The following INPP5F variants were observed in gnomAD, a reference collection of about 807,000 sequenced individuals.
The protein encoded by INPP5F is phosphatidylinositide 4-phosphatase SAC2.
INPP5F carries 97 observed loss-of-function variants against 137.2 expected under a neutral mutation model. That is an observed-to-expected ratio of 0.71 (90% CI 0.60 to 0.84). INPP5F has a LOEUF of 0.84. Ranked by LOEUF, INPP5F falls within the 40% of genes least tolerant of loss-of-function variation. The pLI, the probability that INPP5F is intolerant of heterozygous loss-of-function variation, is 0.00. For missense variants in INPP5F, 1,271 were observed against 1,371.9 expected (o/e 0.93, Z 1.16); for synonymous variants, 504 against 476.9 (o/e 1.06, Z -0.74).
intron 6 of INPP5F, among the ~76,000 whole-genome samples, chr10:119,795,226 C>T (rs1243065022): frequency 6.6e-6 from 1 of 151,176 alleles, no homozygotes; most frequent in Non-Finnish European, 1.5e-5. Context: ...CCCCTCACCT[C>T]CTGGACGGGG....
intron 1 of INPP5F, among the ~76,000 whole-genome samples, chr10:119,733,444 A>G (rs571129575): frequency 1.3e-5 from 2 of 152,202 alleles, no homozygotes; most frequent in Non-Finnish European, 2.9e-5. Context: ...ATGCATTGAC[A>G]TGTGTACTCA....
intron 9 of INPP5F, among the ~76,000 whole-genome samples, chr10:119,800,006 T>C (rs1850524550): frequency 6.6e-6 from 1 of 151,918 alleles, no homozygotes; most frequent in African/African-American, 2.4e-5. Flanking sequence ...AATTAGACTT[T>C]AAATTCGTTT....
intron 15 of INPP5F, chr10:119,818,913 T>A (rs1851418728): frequency 6.6e-6 from 1 of 152,292 alleles, no homozygotes. Flanking sequence ...ACTTTCAAGA[T>A]TTTTCTCCTT....
At chr10:119,795,254 G>T (rs1589723981) in intron 6 of INPP5F, among the ~76,000 whole-genome samples, 2 of 150,990 alleles carry the variant, frequency 1.3e-5, no homozygotes, top group East Asian at 2.0e-4. Flanking sequence ...CCGGGCGGGG[G>T]GCTGACCCCC....
intron 9 of INPP5F, among the ~76,000 whole-genome samples, chr10:119,803,484 T>A (rs1377417573): frequency 6.6e-6 from 1 of 152,238 alleles, no homozygotes; most frequent in Non-Finnish European, 1.5e-5. Flanking sequence ...CCTGTTCTGT[T>A]GAGTCACTTA....
chr10:119,803,651 G>T (rs1850669120), intron 9 of INPP5F, among the ~76,000 whole-genome samples: 1 of 152,158 alleles, frequency 6.6e-6, no homozygotes, highest in Admixed American at 6.5e-5. Context: ...TTCATTAACA[G>T]ATCCTGATTG....
intron 2 of INPP5F, among the ~76,000 whole-genome samples, chr10:119,771,884 T>TATACA (rs1849373704): frequency 3.4e-5 from 1 of 29,098 alleles, no homozygotes; most frequent in Non-Finnish European, 6.1e-5. Context: ...ATATATATAT[T>TATACA]TTTTTTTTTT....
rs143147195 is a variant in INPP5F at position 119,828,815 on chromosome 10, CCAGCCTGGGGGA to C, written c.*1039_*1050del. On this transcript the variant is annotated 3_prime_UTR_variant, in exon 20 of 20. Coordinates refer to ENST00000650623, the MANE Select transcript of INPP5F (RefSeq NM_014937.4). ...TGAGCTGTGATCGTGCCACTGACCT[CCAGCCTGGGGGA>C]CAGAGCAAGACCGTGTCTCAAAAAC... 2.2e-3 allele frequency: 341 copies of C among 152,458 alleles called. 2 individuals carry two copies. The highest frequency in any genetic ancestry group is 0.017 in the East Asian group (87 of 5,188). 9.4% of individuals were successfully genotyped at this position (152,458 alleles called of 1,614,324 possible).
chr10:119,743,186 G>C lies in INPP5F; in HGVS notation c.98-7890G>C, dbSNP rs145927224. On this transcript the variant is annotated intron_variant, in intron 1 of 19. Coordinates refer to ENST00000650623, the MANE Select transcript of INPP5F (RefSeq NM_014937.4). Reference sequence around the variant, plus strand: ...AATCCTTCCAACTTGATTCTGTGATGACTTTAGCTTTTGCCACTTTAAGTA... The same window carrying C: ...AATCCTTCCAACTTGATTCTGTGATCACTTTAGCTTTTGCCACTTTAAGTA... Among the ~76,000 whole-genome samples the C allele has an allele frequency of 4.4e-4, 67 of 152,280 alleles. No individual in the cohort carries two copies. In the East Asian group the frequency reaches 0.013, roughly 29 times the overall value.
chr10:119,729,744 AT>A (rs34359657), intron 1 of INPP5F, among the ~76,000 whole-genome samples: 5,631 of 128,226 alleles, frequency 0.044, 164 homozygotes, highest in South Asian at 0.21. Context: ...CACCTGGCTA[AT>A]TTTTTTTTTT....
intron 2 of INPP5F, among the ~76,000 whole-genome samples, chr10:119,772,683 G>A (rs531622945): frequency 4.0e-4 from 61 of 152,230 alleles, no homozygotes; most frequent in Non-Finnish European, 6.6e-4. Context: ...TAATTGGGGG[G>A]CATGGCTTGC....
chr10:119,775,710 G>C (rs866463797), intron 2 of INPP5F, among the ~76,000 whole-genome samples: 1 of 152,074 alleles, frequency 6.6e-6, no homozygotes, highest in South Asian at 2.1e-4. Context: ...GTCATTCATT[G>C]ATAACTGTTG....
intron 3 of INPP5F, among the ~76,000 whole-genome samples, chr10:119,784,407 T>G (rs187528985): frequency 1.0e-3 from 159 of 152,358 alleles, no homozygotes; most frequent in Non-Finnish European, 1.6e-3. Flanking sequence ...TTATTATTTT[T>G]TTAAGAACAT....
intron 14 of INPP5F, among the ~76,000 whole-genome samples, chr10:119,810,458 G>A (rs1392127162): frequency 6.6e-6 from 1 of 152,148 alleles, no homozygotes; most frequent in Non-Finnish European, 1.5e-5. Context: ...TTATTACTCA[G>A]GTAATAGAAA....
chr10:119,812,054 A>T, intron 15 of INPP5F, 99 bp downstream of exon 15: 4 of 917,890 alleles, frequency 4.4e-6, no homozygotes, highest in Non-Finnish European at 7.0e-6. Flanking sequence ...GTGGGCATGG[A>T]TGCATGGCGC....
At chr10:119,783,711 C>CT (rs1353738529) in intron 3 of INPP5F, among the ~76,000 whole-genome samples, 1 of 152,052 alleles carries the variant, frequency 6.6e-6, no homozygotes, top group Non-Finnish European at 1.5e-5. Flanking sequence ...CATACTTTCC[C>CT]TTTTTTCTCT....
At chr10:119,818,323 A>G (rs1193666875) in intron 15 of INPP5F, among the ~76,000 whole-genome samples, 2 of 152,222 alleles carry the variant, frequency 1.3e-5, no homozygotes, top group Admixed American at 6.5e-5. Flanking sequence ...GGTGTTCCCA[A>G]CTTGCTTCGA....
intron 2 of INPP5F, among the ~76,000 whole-genome samples, chr10:119,762,465 C>T (rs749975092): frequency 6.6e-6 from 1 of 152,100 alleles, no homozygotes; most frequent in Non-Finnish European, 1.5e-5. Flanking sequence ...ACCAAAGGCC[C>T]CACCTCCCAA....
At chr10:119,739,056 GT>G (rs1351492770) in intron 1 of INPP5F, among the ~76,000 whole-genome samples, 2 of 151,796 alleles carry the variant, frequency 1.3e-5, no homozygotes, top group Admixed American at 1.3e-4. Context: ...ATCATGGCGT[GT>G]GCCTGTATTC....
Sources: allele counts gnomAD v4.1 joint callset (sites outside exome capture counted in the v4.1 genomes callset), GRCh38; gene constraint gnomAD v4.1.1; transcripts MANE v1.5; gene names NCBI Gene and HGNC (gene_info 2026-07-23, HGNC 2026-07-21).